Variants in NCAM1 observed in about 807,000 individuals in gnomAD.
NCAM1 encodes the protein antigen recognized by monoclonal antibody 5.1H11.
A neutral mutation model predicts 109.8 loss-of-function variants in NCAM1; 14 were observed. The ratio of observed to expected loss-of-function variants is 0.13; its 90% CI spans 0.08 to 0.20. The LOEUF (loss-of-function observed/expected upper bound fraction) is 0.20, where lower values mean the gene tolerates loss of function less well. NCAM1 is among the 10% of genes least tolerant of loss of function. NCAM1 has a pLI of 1.00. For missense variants in NCAM1, 774 were observed against 1,109.9 expected (o/e 0.70, Z 4.30); for synonymous variants, 418 against 442.9 (o/e 0.94, Z 0.70).
chr11:113,202,299 C>A (rs1944087015), intron 1 of NCAM1, 80 bp from the exon 2 acceptor site: 1 of 1,355,724 alleles, frequency 7.4e-7, no homozygotes, highest in Non-Finnish European at 1.0e-6. Flanking sequence ...CATTCTTGAA[C>A]ATTGGAATGT....
intron 1 of NCAM1, among the ~76,000 whole-genome samples, chr11:113,085,563 A>G (rs1431588287): frequency 6.6e-6 from 1 of 151,930 alleles, no homozygotes; most frequent in African/African-American, 2.4e-5. Context: ...GTGATTGGGG[A>G]ATCTGGGTTA....
At chr11:113,078,636 TC>T (rs1458172815) in intron 1 of NCAM1, among the ~76,000 whole-genome samples, 2 of 152,286 alleles carry the variant, frequency 1.3e-5, no homozygotes, top group African/African-American at 4.8e-5. Context: ...CTTATCTGCC[TC>T]ATTTTGAGGA....
chr11:113,090,579 GA>G (rs1301923921), intron 1 of NCAM1, among the ~76,000 whole-genome samples: 1 of 152,106 alleles, frequency 6.6e-6, no homozygotes, highest in East Asian at 1.9e-4. Context: ...CACATCAGCT[GA>G]AAAAACATTT....
chr11:113,103,106 TTAATG>T (rs1939947836), intron 1 of NCAM1, among the ~76,000 whole-genome samples: 1 of 152,208 alleles, frequency 6.6e-6, no homozygotes, highest in Non-Finnish European at 1.5e-5. Context: ...ACACATGCAA[TTAATG>T]AAACTTTGAC....
rs369708728 is a variant in NCAM1, at chr11:113,158,607, T to C, written c.53-43772T>C. Among the ~76,000 whole-genome samples, 15 of 152,356 alleles carry C rather than the reference T, an allele frequency of 9.8e-5. No individual in the cohort carries two copies. The East Asian group carries it at 2.3e-3, about 23-fold the overall frequency. ...GTAATAAGCCAATCCCTGTGCATTG[T>C]ACAATGTCCTGGTTGCTTTTTAAAA... On this transcript the variant is annotated intron_variant, in intron 1 of 19. Coordinates refer to ENST00000316851, the MANE Select transcript of NCAM1 (RefSeq NM_181351.5).
chr11:113,080,367 A>G (rs1350325829), intron 1 of NCAM1, among the ~76,000 whole-genome samples: 1 of 152,252 alleles, frequency 6.6e-6, no homozygotes, highest in African/African-American at 2.4e-5. Context: ...TTCGCAAAGT[A>G]AAAATCTGAA....
intron 1 of NCAM1, among the ~76,000 whole-genome samples, chr11:113,201,714 G>A (rs543390319): frequency 3.3e-5 from 5 of 152,296 alleles, no homozygotes; most frequent in African/African-American, 7.2e-5. Flanking sequence ...CACAGGGCAC[G>A]GGCTACAGAA....
intron 1 of NCAM1, among the ~76,000 whole-genome samples, chr11:113,166,000 T>G (rs1268404158): frequency 7.2e-6 from 1 of 139,812 alleles, no homozygotes; most frequent in African/African-American, 2.9e-5. Flanking sequence ...TTTTTTTATT[T>G]TTACTTATTT....
intron 1 of NCAM1, among the ~76,000 whole-genome samples, chr11:113,011,734 G>A (rs1952061312): frequency 6.6e-6 from 1 of 152,112 alleles, no homozygotes; most frequent in African/African-American, 2.4e-5. Context: ...TGTTTGGAGG[G>A]GATCGTTAAG....
chr11:113,044,511 C>A (rs1177551648), intron 1 of NCAM1, among the ~76,000 whole-genome samples: 2 of 151,872 alleles, frequency 1.3e-5, no homozygotes, highest in African/African-American at 2.4e-5. Context: ...ATGGCAAAAA[C>A]CCATCTCTAC....
At chr11:112,998,592 A>G (rs1456172634) in intron 1 of NCAM1, among the ~76,000 whole-genome samples, 1 of 152,054 alleles carries the variant, frequency 6.6e-6, no homozygotes, top group Non-Finnish European at 1.5e-5. Context: ...GGTCCCATCT[A>G]TCCTGCTTGT....
At chr11:113,162,657 T>TG (rs1347343821) in intron 1 of NCAM1, among the ~76,000 whole-genome samples, 24 of 152,174 alleles carry the variant, frequency 1.6e-4, no homozygotes, top group African/African-American at 5.8e-4. Flanking sequence ...AGTGATGTAA[T>TG]GGAAAAAGAA....
At chr11:113,015,098 C>T (rs1591248468) in intron 1 of NCAM1, among the ~76,000 whole-genome samples, 1 of 152,360 alleles carries the variant, frequency 6.6e-6, no homozygotes, top group Non-Finnish European at 1.5e-5. Flanking sequence ...ATTGCAGTCC[C>T]TCTAAACCAT....
intron 1 of NCAM1, among the ~76,000 whole-genome samples, chr11:113,138,204 T>G (rs900669303): frequency 6.6e-6 from 1 of 152,292 alleles, no homozygotes; most frequent in South Asian, 2.1e-4. Flanking sequence ...TTTCCCCAAA[T>G]TGATTAATTT....
chr11:113,214,126 C>T (rs974381299), intron 7 of NCAM1, among the ~76,000 whole-genome samples: 2 of 152,226 alleles, frequency 1.3e-5, no homozygotes, highest in Non-Finnish European at 2.9e-5. Context: ...TGTCCTGCCT[C>T]CTGCATTCCT....
At chr11:113,013,462 AG>A (rs1381359098) in intron 1 of NCAM1, among the ~76,000 whole-genome samples, 3 of 151,892 alleles carry the variant, frequency 2.0e-5, no homozygotes, top group African/African-American at 7.3e-5. Flanking sequence ...GAAAGAAAAA[AG>A]AAAAATCCAC....
In NCAM1 at chr11:113,205,536, C is replaced by G. The variant is rs1555112704; in HGVS notation, c.360C>G (p.Phe120Leu). The change falls in exon 4 of 20, where the codon TTC (phenylalanine) becomes TTG (leucine). Residue 120 changes from phenylalanine to leucine, a missense_variant. By Grantham distance (22) the Phe-to-Leu change is conservative (BLOSUM62 0). Coordinates refer to ENST00000316851, the MANE Select transcript of NCAM1 (RefSeq NM_181351.5). ...VNVKIFQKLMFKNAPTPQEFR... is the reference protein window; with the variant it reads ...VNVKIFQKLMLKNAPTPQEFR... ...TTCATCTTCCAGAGAAGCTCATGTT[C>G]AAGAATGCGCCAACCCCACAGGAGT... 1 of 1,611,754 alleles carries G rather than the reference C, an allele frequency of 6.2e-7. No individual in the cohort carries two copies. The highest frequency in any genetic ancestry group is 8.5e-7 in the Non-Finnish European group (1 of 1,179,160).
intron 1 of NCAM1, chr11:113,133,353 T>C (rs1941479463): frequency 6.6e-6 from 1 of 152,264 alleles, no homozygotes; most frequent in Non-Finnish European, 1.5e-5. Flanking sequence ...GTTTTCTGTT[T>C]CCTCTTCTTT....
chr11:113,094,957 T>C (rs1473062380), intron 1 of NCAM1, among the ~76,000 whole-genome samples: 2 of 152,200 alleles, frequency 1.3e-5, no homozygotes, highest in Non-Finnish European at 2.9e-5. Context: ...CTTTTATAAA[T>C]AGGGAAAATA....
Sources: gnomAD v4.1 joint callset for allele counts (sites outside exome capture counted in the v4.1 genomes callset) on GRCh38, gnomAD v4.1.1 for gene constraint, MANE v1.5 for transcripts, NCBI Gene and HGNC (gene_info 2026-07-23, HGNC 2026-07-21) for gene names.